Variants in SCRN1 observed in about 807,000 individuals in gnomAD.
SCRN1 encodes the protein secernin 1.
Under a neutral mutation model 43.3 loss-of-function variants are expected in SCRN1, and 19 were observed. The observed-to-expected ratio is 0.44, with a 90% CI of 0.31 to 0.64. The LOEUF (loss-of-function observed/expected upper bound fraction) is 0.64. Ranked by LOEUF, SCRN1 falls within the 30% of genes least tolerant of loss-of-function variation. SCRN1 has a pLI of 0.09. For missense variants in SCRN1, 447 were observed against 524.1 expected (o/e 0.85, Z 1.44); for synonymous variants, 183 against 188.9 (o/e 0.97, Z 0.26).
rs1787867133 is a variant in SCRN1, at chr7:29,950,010, T to TG, written c.341+5168dup. ...CCGGCTGCAACAGGGAGGCAGGGTC[T>TG]GGGTTGCGTGCTTTGCGAGGCTGGT... On this transcript the variant is annotated intron_variant, in intron 3 of 7. Coordinates refer to ENST00000242059, the MANE Select transcript of SCRN1 (RefSeq NM_014766.5). This position sits in a 1 kb window ranked among gnomAD's most constrained non-coding sequence, Gnocchi z 4.5. Among the ~76,000 whole-genome samples, 1 of 152,224 alleles carries TG rather than the reference T, an allele frequency of 6.6e-6. No individual in the cohort carries two copies. Among genetic ancestry groups the TG allele is most frequent in the South Asian group, 2.1e-4 (1 of 4,834 alleles).
chr7:29,921,656 G>A lies in SCRN1; in HGVS notation c.*2301C>T, dbSNP rs758425653. 5 of 152,204 alleles carry A rather than the reference G, an allele frequency of 3.3e-5. No individual in the cohort carries two copies. Among genetic ancestry groups the A allele is most frequent in the Non-Finnish European group, 7.3e-5 (5 of 68,034 alleles). The allele number at this position is 152,204 out of a possible 1,614,324, so 9.4% of individuals were successfully genotyped here. A position where few individuals can be genotyped will look rare whatever the true frequency, so the allele number is the denominator to read the frequency against. ...TAGGACATCACAATTGTGGTGCAGA[G>A]TATTAGCCAAGACAGCTCTCAATTA... On this transcript the variant is annotated 3_prime_UTR_variant, in exon 8 of 8. Transcript: ENST00000242059.
At chr7:29,990,143 C>T, upstream of SCRN1, 1 of 1,551,578 alleles carries the variant, frequency 6.4e-7, no homozygotes, top group Non-Finnish European at 8.7e-7. Flanking sequence ...GGCCTCGGCG[C>T]CCACACAAGA....
intron 3 of SCRN1, among the ~76,000 whole-genome samples, chr7:29,954,759 C>A (rs1306269044): frequency 6.6e-6 from 1 of 152,222 alleles, no homozygotes; most frequent in African/African-American, 2.4e-5. Context: ...CGGCTCACTG[C>A]AACCTCCGTC....
chr7:29,968,810 G>A (rs1478454785), intron 2 of SCRN1, 99 bp downstream of exon 2: 2 of 1,431,306 alleles, frequency 1.4e-6, no homozygotes, highest in African/African-American at 1.4e-5. Context: ...TGATAGCTCT[G>A]ACTTGTGAGC....
At chr7:29,988,966 C>G (rs1306894811) in intron 1 of SCRN1, 1 of 152,232 alleles carries the variant, frequency 6.6e-6, no homozygotes, top group African/African-American at 2.4e-5. Context: ...GAGGCAGAGG[C>G]CGACCAAGCC....
intron 5 of SCRN1, among the ~76,000 whole-genome samples, chr7:29,939,352 A>C (rs1032338752): frequency 3.6e-4 from 55 of 152,134 alleles, no homozygotes; most frequent in African/African-American, 1.2e-3. Flanking sequence ...AGCTGGAACT[A>C]TAGGCCCACA....
Position 29,929,468 on chromosome 7 carries a change from C to T in SCRN1, c.906-2836G>A, listed in dbSNP as rs189173500. On this transcript the variant is annotated intron_variant, in intron 6 of 7. Coordinates refer to ENST00000242059, the MANE Select transcript of SCRN1 (RefSeq NM_014766.5). Reference sequence around the variant, plus strand: ...AGCAGTATCTTCATCAGGAAACCTGCCATTTCACTCCTAAAACCTCAGTGC... The same window carrying T: ...AGCAGTATCTTCATCAGGAAACCTGTCATTTCACTCCTAAAACCTCAGTGC... 2.8e-3 allele frequency among the ~76,000 whole-genome samples: 427 copies of T among 152,376 alleles called. 13 individuals are homozygous for T. Among genetic ancestry groups the T allele is most frequent in the Admixed American group, 0.027 (415 of 15,308 alleles).
intron 3 of SCRN1, chr7:29,947,211 G>A: frequency 6.4e-7 from 1 of 1,550,516 alleles, no homozygotes; most frequent in East Asian, 2.4e-5. Context: ...GGAATTAGAT[G>A]CTCCTGAATT....
intron 7 of SCRN1, among the ~76,000 whole-genome samples, chr7:29,924,870 G>A (rs1244967092): frequency 6.6e-6 from 1 of 152,134 alleles, no homozygotes; most frequent in South Asian, 2.1e-4. Flanking sequence ...TCCCAGAACT[G>A]AGAAGCTGCT....
chr7:29,939,087 A>AT (rs1346980554), intron 5 of SCRN1, among the ~76,000 whole-genome samples: 3 of 151,966 alleles, frequency 2.0e-5, no homozygotes, highest in Non-Finnish European at 2.9e-5. Flanking sequence ...AAAAATTTTG[A>AT]TTTTTTAAAA....
chr7:29,990,132 G>C (rs1026023225), upstream of SCRN1: 3 of 1,551,242 alleles, frequency 1.9e-6, no homozygotes, highest in East Asian at 4.9e-5. Flanking sequence ...TGCTACGTCC[G>C]GGCCTCGGCG....
At chr7:29,938,597 G>C (rs190945851) in intron 5 of SCRN1, among the ~76,000 whole-genome samples, 50 of 152,376 alleles carry the variant, frequency 3.3e-4, no homozygotes, top group African/African-American at 1.2e-3. Flanking sequence ...CCGCTTAAAG[G>C]CTTTCTTAAA....
intron 5 of SCRN1, among the ~76,000 whole-genome samples, chr7:29,939,796 G>A (rs1458350876): frequency 6.6e-6 from 1 of 152,050 alleles, no homozygotes; most frequent in Non-Finnish European, 1.5e-5. Flanking sequence ...TTCCACATAG[G>A]CACAAAAGTA....
chr7:29,958,082 T>A (rs1354188260), intron 2 of SCRN1, among the ~76,000 whole-genome samples: 1 of 152,120 alleles, frequency 6.6e-6, no homozygotes, highest in African/African-American at 2.4e-5. Context: ...CAATCAGCCC[T>A]CCTAAGCACC....
chr7:29,956,479 C>T (rs776914217), intron 2 of SCRN1, among the ~76,000 whole-genome samples: 5 of 152,214 alleles, frequency 3.3e-5, no homozygotes, highest in Non-Finnish European at 5.9e-5. Flanking sequence ...ACATTTTAAA[C>T]GGGGCAGCTG....
rs1787473908 is a variant in SCRN1, at chr7:29,939,921, G to A, written c.739+761C>T. Among the ~76,000 whole-genome samples, 6 of 151,930 alleles carry A rather than the reference G, an allele frequency of 3.9e-5. 1 individual carries two copies. The South Asian group carries it at 8.3e-4, about 21-fold the overall frequency. ...TCCCAGCACTTTGGGAGGCCAAGGC[G>A]GGCAAATCTCTTGAGCCCAGGAGTG... On this transcript the variant is annotated intron_variant, in intron 5 of 7. Transcript: ENST00000242059.
chr7:29,975,045 T>C (rs116496708), intron 1 of SCRN1, among the ~76,000 whole-genome samples: 1 of 152,354 alleles, frequency 6.6e-6, no homozygotes, highest in African/African-American at 2.4e-5. Flanking sequence ...CTTTAAGATT[T>C]TTCTCCTTTT....
At chr7:29,981,818 G>C (rs745407148) in intron 1 of SCRN1, among the ~76,000 whole-genome samples, 46 of 152,340 alleles carry the variant, frequency 3.0e-4, no homozygotes, top group Middle Eastern at 3.4e-3. Flanking sequence ...TCATGAATGA[G>C]AGTATGTGGT....
chr7:29,968,824 C>T, intron 2 of SCRN1, 85 bp downstream of exon 2: 1 of 1,529,428 alleles, frequency 6.5e-7, no homozygotes, highest in Non-Finnish European at 9.0e-7. Context: ...TGTGAGCAAG[C>T]TTCCAAGCAA....
Sources: allele counts gnomAD v4.1 joint callset (sites outside exome capture counted in the v4.1 genomes callset), GRCh38; gene constraint gnomAD v4.1.1; non-coding constraint Gnocchi (gnomAD v3.1); transcripts MANE v1.5; gene names NCBI Gene and HGNC (gene_info 2026-07-23, HGNC 2026-07-21).